PC: variants seen among roughly 807,000 people sequenced by gnomAD.
The protein encoded by PC is pyruvate carboxylase, mitochondrial.
In PC, 46 loss-of-function variants were observed where a neutral mutation model predicts 107.8. The ratio of observed to expected loss-of-function variants is 0.43; its 90% CI spans 0.34 to 0.55. PC has a LOEUF of 0.55. Ranked by LOEUF, PC falls within the 20% of genes least tolerant of loss-of-function variation. The probability of loss-of-function intolerance (pLI) is 0.04; values close to 1 mark genes in which losing one functional copy is unlikely to be tolerated. For synonymous variants in PC, 662 were observed against 684.7 expected (o/e 0.97, Z 0.52); for missense variants, 1,241 against 1,643.1 (o/e 0.76, Z 4.23).
chr11:66,881,013 G>C lies in PC; in HGVS notation c.1-8854C>G, dbSNP rs529507455. Reference sequence around the variant, plus strand: ...GGTGTGAAGGGCATTCTGGGATGCTGCCAGGGCCAGCAACCAGCTCAGGTT... The same window carrying C: ...GGTGTGAAGGGCATTCTGGGATGCTCCCAGGGCCAGCAACCAGCTCAGGTT... On this transcript the variant is annotated intron_variant, in intron 3 of 22. Coordinates refer to ENST00000393960, the MANE Select transcript of PC (RefSeq NM_001040716.2). Among the ~76,000 whole-genome samples, 8 of 152,346 alleles carry C rather than the reference G, an allele frequency of 5.3e-5. No individual in the cohort carries two copies. The South Asian group carries it at 1.7e-3, about 32-fold the overall frequency.
chr11:66,920,898 C>CA (rs1335223479), intron 3 of PC, among the ~76,000 whole-genome samples: 1 of 151,994 alleles, frequency 6.6e-6, no homozygotes, highest in Non-Finnish European at 1.5e-5. Context: ...ATTAGCCAGG[C>CA]ATGGTGGTAG....
intron 12 of PC, chr11:66,859,902 G>T: frequency 6.3e-7 from 1 of 1,576,876 alleles, no homozygotes; most frequent in Non-Finnish European, 8.6e-7. Context: ...GGCCTTGCTG[G>T]TTCGGGGCCG....
At chr11:66,865,493 G>A (rs1488971828) in intron 11 of PC, among the ~76,000 whole-genome samples, 4 of 152,244 alleles carry the variant, frequency 2.6e-5, no homozygotes, top group Non-Finnish European at 1.5e-5. Flanking sequence ...TGGGACCAGA[G>A]GCGGGGGAGA....
intron 3 of PC, among the ~76,000 whole-genome samples, chr11:66,925,593 T>G (rs902179080): frequency 7.9e-5 from 12 of 152,138 alleles, no homozygotes; most frequent in African/African-American, 2.2e-4. Flanking sequence ...CAAACACACA[T>G]GCTCTACAAA....
At chr11:66,906,698 T>C (rs1948175863) in intron 3 of PC, among the ~76,000 whole-genome samples, 1 of 152,012 alleles carries the variant, frequency 6.6e-6, no homozygotes, top group African/African-American at 2.4e-5. Flanking sequence ...TGGATTGTTA[T>C]CCCATGACCT....
intron 3 of PC, among the ~76,000 whole-genome samples, chr11:66,876,252 C>T (rs1280970772): frequency 6.6e-6 from 1 of 152,168 alleles, no homozygotes; most frequent in Non-Finnish European, 1.5e-5. Context: ...AGAGAACAGC[C>T]TCATTCTTAG....
intron 3 of PC, among the ~76,000 whole-genome samples, chr11:66,880,249 A>AGGGGG (rs1947140166): frequency 5.9e-5 from 9 of 151,856 alleles, no homozygotes; most frequent in African/African-American, 2.2e-4. Flanking sequence ...CCCTCACACC[A>AGGGGG]CCCTCTCTCC....
intron 3 of PC, among the ~76,000 whole-genome samples, chr11:66,883,131 C>T (rs1214255841): frequency 5.3e-5 from 8 of 152,202 alleles, no homozygotes; most frequent in African/African-American, 1.7e-4. Context: ...GGCTCCTCAT[C>T]GCCCTGGCAA....
intron 3 of PC, among the ~76,000 whole-genome samples, chr11:66,883,296 A>C (rs1341690560): frequency 6.6e-6 from 1 of 152,188 alleles, no homozygotes; most frequent in Admixed American, 6.5e-5. Flanking sequence ...GCTCCATCCC[A>C]GCCTCACTGG....
Position 66,872,746 on chromosome 11 carries a change from A to C in PC, c.1-587T>G, listed in dbSNP as rs549187271. 5.3e-4 allele frequency among the ~76,000 whole-genome samples: 81 copies of C among 152,088 alleles called. No homozygotes were observed. The Middle Eastern group carries it at 0.01, about 19-fold the overall frequency. On this transcript the variant is annotated intron_variant, in intron 3 of 22. Coordinates refer to ENST00000393960, the MANE Select transcript of PC (RefSeq NM_001040716.2). ...CAAGACTCCGTCTCAAAAAAAATAA[A>C]AGTATCAGGTTGGGCGCGGTGGCTC...
At chr11:66,850,996 A>G in intron 17 of PC, 44 bp downstream of exon 17, 3 of 1,610,050 alleles carry the variant, frequency 1.9e-6, no homozygotes, top group Admixed American at 1.7e-5. Flanking sequence ...TGGCGGGGAC[A>G]TGGCCGGGGC....
intron 3 of PC, among the ~76,000 whole-genome samples, chr11:66,943,644 T>C (rs1202543180): frequency 5.0e-5 from 7 of 141,276 alleles, no homozygotes; most frequent in Admixed American, 1.4e-4. Flanking sequence ...CCCCAGCTAC[T>C]TGGGAGGCTG....
At chr11:66,947,239 A>G (rs1949320077) in intron 3 of PC, among the ~76,000 whole-genome samples, 1 of 152,186 alleles carries the variant, frequency 6.6e-6, no homozygotes. Context: ...AGCACCTGAG[A>G]TGACCAACAA....
chr11:66,892,575 G>A (rs1408519054), intron 3 of PC, among the ~76,000 whole-genome samples: 10 of 152,298 alleles, frequency 6.6e-5, no homozygotes, highest in East Asian at 1.9e-4. Flanking sequence ...CGCCGGGCGC[G>A]GTGGCTCACG....
In PC at chr11:66,850,483, CAGA is replaced by C; in HGVS notation, c.2474-22_2474-20del. 1.9e-6 allele frequency: 3 copies of C among 1,613,748 alleles called. No homozygotes were observed. Among genetic ancestry groups the C allele is most frequent in the Non-Finnish European group, 2.5e-6 (3 of 1,180,032 alleles). ...GGCACCTCTGCAGGGAGGCCAGAGTCAGAGGAGGCCTTAGAAATGTGTGACTCT... is the reference window on the plus strand; with the variant it reads ...GGCACCTCTGCAGGGAGGCCAGAGTCGGAGGCCTTAGAAATGTGTGACTCT... On this transcript the variant is annotated intron_variant, in intron 18 of 22. Coordinates refer to ENST00000393960, the MANE Select transcript of PC (RefSeq NM_001040716.2).
At chr11:66,927,478 T>C (rs550717296) in intron 3 of PC, among the ~76,000 whole-genome samples, 1 of 151,790 alleles carries the variant, frequency 6.6e-6, no homozygotes, top group African/African-American at 2.4e-5. Flanking sequence ...TCCCAGCACT[T>C]TGGGAGGCTG....
chr11:66,907,014 A>C (rs771055442), intron 3 of PC, among the ~76,000 whole-genome samples: 1 of 152,208 alleles, frequency 6.6e-6, no homozygotes, highest in African/African-American at 2.4e-5. Flanking sequence ...ACTCCAGGGC[A>C]TTTTGTGAAG....
chr11:66,890,449 A>G (rs1947530894), intron 3 of PC, among the ~76,000 whole-genome samples: 1 of 146,300 alleles, frequency 6.8e-6, no homozygotes, highest in South Asian at 2.2e-4. Context: ...GGCTGGAGTG[A>G]CAGAGCGAGA....
intron 3 of PC, among the ~76,000 whole-genome samples, chr11:66,909,108 C>G (rs1433610835): frequency 6.6e-6 from 1 of 152,240 alleles, no homozygotes; most frequent in East Asian, 1.9e-4. Flanking sequence ...GTGTCCAGTG[C>G]TACAGCTGCT....
Sources: gnomAD v4.1 joint callset for allele counts (sites outside exome capture counted in the v4.1 genomes callset) on GRCh38, gnomAD v4.1.1 for gene constraint, MANE v1.5 for transcripts, NCBI Gene and HGNC (gene_info 2026-07-23, HGNC 2026-07-21) for gene names.